Variants in KIAA1958 observed in about 807,000 individuals in gnomAD.
KIAA1958 encodes uncharacterized protein KIAA1958.
In KIAA1958, 14 loss-of-function variants were observed where a neutral mutation model predicts 47.2. That is an observed-to-expected ratio of 0.30 (90% CI 0.20 to 0.46). The LOEUF (loss-of-function observed/expected upper bound fraction) is 0.46, where lower values mean the gene tolerates loss of function less well. Among genes scored for constraint, KIAA1958 ranks in the 20% least tolerant of loss-of-function variants. KIAA1958 has a pLI of 1.00. For synonymous variants in KIAA1958, 354 were observed against 353.3 expected (o/e 1.00, Z -0.02); for missense variants, 803 against 909.2 (o/e 0.88, Z 1.50).
chr9:112,657,887 G>C (rs11793066), intron 3 of KIAA1958, among the ~76,000 whole-genome samples: 1 of 145,698 alleles, frequency 6.9e-6, no homozygotes, highest in Non-Finnish European at 1.5e-5. Flanking sequence ...ACAGAGTTTC[G>C]CTCTTGTCAC....
chr9:112,573,951 G>GTTT, intron 1 of KIAA1958, 106 bp from the exon 2 acceptor site: 4 of 536,976 alleles, frequency 7.4e-6, no homozygotes, highest in Non-Finnish European at 9.4e-6. Flanking sequence ...TTTGAAGTGC[G>GTTT]TTTTTTTTTT....
chr9:112,659,948 C>T lies in KIAA1958; in HGVS notation c.2030C>T (p.Ser677Phe), dbSNP rs745588807. 1.9e-6 allele frequency: 3 copies of T among 1,614,244 alleles called. No homozygotes were observed. Among genetic ancestry groups the T allele is most frequent in the Non-Finnish European group, 1.7e-6 (2 of 1,180,034 alleles). ...GAGGAGCAGAGGATGGGGCTGCGCT[C>T]TCTTCGGGGAATTGTCCCAAACTTA... ...WYEEQRMGLR[S>F]LRGIVPNLAK... The change falls in exon 4 of 4, where the codon TCT (serine) becomes TTT (phenylalanine). Residue 677 changes from serine (S) to phenylalanine (F), a missense_variant. This residue lies in a region of KIAA1958 where 761 missense variants were observed against 829.3 expected (regional missense o/e 0.92). Coordinates refer to ENST00000337530, the MANE Select transcript of KIAA1958 (RefSeq NM_133465.4).
At chr9:112,493,194 G>T (rs2132756369) in intron 1 of KIAA1958, among the ~76,000 whole-genome samples, 1 of 151,448 alleles carries the variant, frequency 6.6e-6, no homozygotes, top group South Asian at 2.1e-4. Context: ...TGGTCTTGCT[G>T]CTCTCATGGT....
At chr9:112,505,935 G>C (rs1313134047) in intron 1 of KIAA1958, among the ~76,000 whole-genome samples, 1 of 152,198 alleles carries the variant, frequency 6.6e-6, no homozygotes, top group Admixed American at 6.5e-5. Flanking sequence ...AACAGAGAAC[G>C]ATGCGTATGT....
intron 2 of KIAA1958, among the ~76,000 whole-genome samples, chr9:112,583,265 G>A (rs1835764213): frequency 6.6e-6 from 1 of 152,202 alleles, no homozygotes; most frequent in South Asian, 2.1e-4. Flanking sequence ...GGGGAGCACA[G>A]AGATGCAAAT....
intron 3 of KIAA1958, among the ~76,000 whole-genome samples, chr9:112,652,862 G>T (rs979239985): frequency 3.3e-5 from 5 of 152,012 alleles, no homozygotes; most frequent in Non-Finnish European, 5.9e-5. Flanking sequence ...CAAGCAATCC[G>T]CCCACCTTAG....
At chr9:112,524,056 G>A (rs1442952691) in intron 1 of KIAA1958, among the ~76,000 whole-genome samples, 3 of 151,972 alleles carry the variant, frequency 2.0e-5, no homozygotes, top group African/African-American at 4.8e-5. Context: ...TTTTTTAAAC[G>A]TTAACCATTT....
At chr9:112,518,527 A>G (rs887933472) in intron 1 of KIAA1958, among the ~76,000 whole-genome samples, 1 of 152,238 alleles carries the variant, frequency 6.6e-6, no homozygotes, top group African/African-American at 2.4e-5. Flanking sequence ...ATTTGTAGAG[A>G]TGGAAAACAG....
At chr9:112,606,064 C>G (rs1340838985) in intron 2 of KIAA1958, among the ~76,000 whole-genome samples, 1 of 152,094 alleles carries the variant, frequency 6.6e-6, no homozygotes, top group African/African-American at 2.4e-5. Flanking sequence ...ATCAGTTACT[C>G]AGTCAGTGTG....
intron 2 of KIAA1958, among the ~76,000 whole-genome samples, chr9:112,603,759 T>C (rs1836176540): frequency 1.3e-5 from 2 of 152,252 alleles, no homozygotes; most frequent in African/African-American, 4.8e-5. Flanking sequence ...CTTCTTGAAA[T>C]GCCAGGGGGC....
intron 1 of KIAA1958, among the ~76,000 whole-genome samples, chr9:112,567,166 T>G (rs1835440072): frequency 6.6e-6 from 1 of 152,138 alleles, no homozygotes; most frequent in South Asian, 2.1e-4. Context: ...TGTGTATTAA[T>G]TAGTAATTGA....
chr9:112,589,848 TC>T (rs2131188938), intron 2 of KIAA1958, among the ~76,000 whole-genome samples: 1 of 152,294 alleles, frequency 6.6e-6, no homozygotes, highest in Admixed American at 6.5e-5. Flanking sequence ...TTAGCAAAGT[TC>T]CTTCTGACTT....
At chr9:112,632,973 G>A (rs1462577927) in intron 2 of KIAA1958, among the ~76,000 whole-genome samples, 2 of 150,422 alleles carry the variant, frequency 1.3e-5, no homozygotes, top group Non-Finnish European at 1.5e-5. Context: ...TATGAAACAG[G>A]TACCTAAATT....
intron 1 of KIAA1958, among the ~76,000 whole-genome samples, chr9:112,519,426 A>G: frequency 6.6e-6 from 1 of 152,254 alleles, no homozygotes; most frequent in East Asian, 1.9e-4. Context: ...TAGTTTTTAC[A>G]TGATGGTTAT....
chr9:112,508,092 ATC>A (rs1177838269), intron 1 of KIAA1958, among the ~76,000 whole-genome samples: 10 of 152,136 alleles, frequency 6.6e-5, no homozygotes, highest in African/African-American at 1.2e-4. Context: ...TATGCAAACA[ATC>A]TCTGTTTTGT....
chr9:112,658,136 C>T (rs1371719330), intron 3 of KIAA1958, among the ~76,000 whole-genome samples: 2 of 152,184 alleles, frequency 1.3e-5, no homozygotes, highest in African/African-American at 2.4e-5. Context: ...GGATTACAGG[C>T]GTGAGCCACC....
At chr9:112,528,613 C>T (rs912824179) in intron 1 of KIAA1958, among the ~76,000 whole-genome samples, 43 of 152,298 alleles carry the variant, frequency 2.8e-4, no homozygotes, top group African/African-American at 8.7e-4. Context: ...ACCTCTGCCT[C>T]CTGGGTTCAA....
At chr9:112,527,676 C>T (rs1168133712) in intron 1 of KIAA1958, among the ~76,000 whole-genome samples, 1 of 152,066 alleles carries the variant, frequency 6.6e-6, no homozygotes. Context: ...CTCACTCACT[C>T]CTGTAATCCC....
chr9:112,663,463 A>G lies in KIAA1958; in HGVS notation c.*3394A>G, dbSNP rs1237383577. The stretch of plus-strand genomic sequence containing the variant: ...TTGCATTATACCACTTATTTCTTCC[A>G]TTATGGAGATTCTGTCTCCCTTAAA... On this transcript the variant is annotated 3_prime_UTR_variant, in exon 4 of 4. Transcript: ENST00000337530. The G allele has an allele frequency of 6.6e-6, 1 of 152,180 alleles. No individual in the cohort carries two copies. Among genetic ancestry groups the G allele is most frequent in the Non-Finnish European group, 1.5e-5 (1 of 68,036 alleles). The allele number at this position is 152,180 out of a possible 1,614,324, so 9.4% of individuals were successfully genotyped here.
Sources: gnomAD v4.1 joint callset for allele counts (sites outside exome capture counted in the v4.1 genomes callset) on GRCh38, gnomAD v4.1.1 for gene constraint, gnomAD v4.1.1 regional missense constraint, MANE v1.5 for transcripts, NCBI Gene and HGNC (gene_info 2026-07-23, HGNC 2026-07-21) for gene names.